DEPDC5: variants seen among roughly 807,000 people sequenced by gnomAD.
DEPDC5 encodes the protein DEP domain containing 5, GATOR1 subcomplex subunit.
DEPDC5 carries 73 observed loss-of-function variants against 217.3 expected under a neutral mutation model. The observed-to-expected ratio is 0.34, with a 90% confidence interval of 0.28 to 0.41. DEPDC5 has a LOEUF of 0.41. DEPDC5 is among the 10% of genes least tolerant of loss of function. The pLI is 1.00. For synonymous variants in DEPDC5, 733 were observed against 756.7 expected, an observed-to-expected ratio of 0.97 and a Z score of 0.51; for missense variants, 1,675 against 2,070.1, an observed-to-expected ratio of 0.81 and a Z score of 3.70.
chr22:31,901,834 A>G, intron 41 of DEPDC5, 32 bp downstream of exon 41: 4 of 1,602,334 alleles, frequency 2.5e-6, no homozygotes, highest in Non-Finnish European at 3.4e-6. Context: ...AAGAGTGGGA[A>G]GGAAATCAGT....
chr22:31,847,262 A>G (rs2091791311), intron 31 of DEPDC5, among the ~76,000 whole-genome samples: 1 of 152,160 alleles, frequency 6.6e-6, no homozygotes, highest in African/African-American at 2.4e-5. Context: ...TCAGGCCTAT[A>G]ATCCCACCAC....
At chr22:31,858,298 A>G (rs368893620) in intron 32 of DEPDC5, 1 of 152,200 alleles carries the variant, frequency 6.6e-6, no homozygotes, top group South Asian at 2.1e-4. Context: ...GTGGGGGGAA[A>G]ATACAGAAAA....
chr22:31,874,768 A>C (rs2092945187), intron 36 of DEPDC5, among the ~76,000 whole-genome samples: 1 of 152,194 alleles, frequency 6.6e-6, no homozygotes, highest in Non-Finnish European at 1.5e-5. Flanking sequence ...TGCTGGATTC[A>C]AGGCTCTGAC....
intron 33 of DEPDC5, among the ~76,000 whole-genome samples, chr22:31,865,191 A>G (rs1396813605): frequency 2.6e-5 from 4 of 152,114 alleles, no homozygotes; most frequent in Non-Finnish European, 5.9e-5. Context: ...ATGATGTAAG[A>G]TGTAAAAATA....
In DEPDC5 at chr22:31,907,703, T is replaced by G. The variant is rs1451588112; in HGVS notation, c.*1206T>G. 1.3e-5 allele frequency: 2 copies of G among 152,420 alleles called. No individual in the cohort carries two copies. Among genetic ancestry groups the G allele is most frequent in the African/African-American group, 4.8e-5 (2 of 41,444 alleles). 9.4% of individuals were successfully genotyped at this position (152,420 alleles called of 1,614,324 possible). A position where few individuals can be genotyped will look rare whatever the true frequency, so the allele number is the denominator to read the frequency against. Reference sequence around the variant, plus strand: ...CATGCCCGGCCTAACTTAGATTTGCTGAGATAAGACTCAGCTTGGTGCTTC... The same window carrying G: ...CATGCCCGGCCTAACTTAGATTTGCGGAGATAAGACTCAGCTTGGTGCTTC... On this transcript the variant is annotated 3_prime_UTR_variant, in exon 43 of 43. Transcript: ENST00000651528.
chr22:31,826,383 A>G, intron 24 of DEPDC5: 1 of 360,480 alleles, frequency 2.8e-6, no homozygotes, highest in Non-Finnish European at 5.4e-6. Context: ...GCACTCAACA[A>G]ATAGGAGCTG....
At chr22:31,829,449 T>C (rs767592441) in intron 24 of DEPDC5, among the ~76,000 whole-genome samples, 45 of 151,982 alleles carry the variant, frequency 3.0e-4, no homozygotes, top group Admixed American at 1.4e-3. Context: ...GGAGAATCGC[T>C]TGAACCCGGG....
intron 33 of DEPDC5, among the ~76,000 whole-genome samples, chr22:31,864,801 G>A (rs1336518881): frequency 2.0e-5 from 3 of 151,928 alleles, no homozygotes; most frequent in Non-Finnish European, 4.4e-5. Flanking sequence ...TGATTCTTCT[G>A]CCTCAGCCTC....
At chr22:31,771,740 C>T (rs924725453) in intron 7 of DEPDC5, among the ~76,000 whole-genome samples, 5 of 123,676 alleles carry the variant, frequency 4.0e-5, no homozygotes, top group African/African-American at 1.4e-4. Flanking sequence ...CACACACACA[C>T]ACACACACAC....
intron 38 of DEPDC5, among the ~76,000 whole-genome samples, chr22:31,889,696 A>G (rs1462106769): frequency 3.3e-5 from 5 of 151,814 alleles, no homozygotes; most frequent in Admixed American, 2.6e-4. Context: ...ACCCGCCACC[A>G]TGCCCGGCTA....
At position 31,845,154 on chromosome 22, in the gene DEPDC5, T is replaced by C; in HGVS notation, c.2938T>C (p.Trp980Arg). Reference sequence around the variant, plus strand: ...CAGGCCCCGTGCAGACGAGGACGAGTGGCAACTCCTGGATGGTTTTGTCCG... The same window carrying C: ...CAGGCCCCGTGCAGACGAGGACGAGCGGCAACTCCTGGATGGTTTTGTCCG... Reference protein sequence around the residue: ...GDRPRADEDEWQLLDGFVRFV... With the variant: ...GDRPRADEDERQLLDGFVRFV... Residue 980 changes from tryptophan to arginine, a missense_variant, in exon 30 of 43, where the codon TGG becomes CGG. Around this residue, in one of 11 missense-constraint regions of DEPDC5, gnomAD observed 293 missense variants for 386.1 expected, o/e 0.76. Transcript: ENST00000651528. The C allele has an allele frequency of 1.2e-6, 2 of 1,614,074 alleles. No homozygotes were observed. Among genetic ancestry groups the C allele is most frequent in the Non-Finnish European group, 1.7e-6 (2 of 1,179,988 alleles).
At chr22:31,802,960 A>G (rs2087041486) in intron 15 of DEPDC5, 122 bp downstream of exon 15, 2 of 1,289,312 alleles carry the variant, frequency 1.6e-6, no homozygotes, top group African/African-American at 1.5e-5. Context: ...GTGTGTCACA[A>G]CGTCTGTGGA....
Position 31,814,743 on chromosome 22 carries a change from C to T in DEPDC5, c.1446-249C>T. 7.6e-6 allele frequency: 4 copies of T among 525,630 alleles called. No homozygotes were observed. The South Asian group carries it at 8.6e-5, about 11-fold the overall frequency. The allele number at this position is 525,630 out of a possible 1,614,324, so 32.6% of individuals were successfully genotyped here. On this transcript the variant is annotated intron_variant, in intron 20 of 42. Transcript: ENST00000651528. ...GGGATTAGGTGGGGTCAGCCTGGAG[C>T]AGTCCTTTCTTTACAACTATGATCC...
In DEPDC5 at chr22:31,879,739, G is replaced by A. The variant is rs921149214; in HGVS notation, c.4020G>A (p.Ala1340=). Residue 1340 remains alanine, a synonymous_variant, in exon 38 of 43, where the codon GCG becomes GCA. Transcript: ENST00000651528. The part of the protein sequence containing the change: ...FSRSFGGRSQ[A]AALLAATVPE... ...GAAGTTTTGGAGGACGGAGCCAGGC[G>A]GCAGCACTTTTAGGTACATGCTCAA... The A allele has an allele frequency of 1.4e-5, 22 of 1,613,564 alleles. No homozygotes were observed. Among genetic ancestry groups the A allele is most frequent in the South Asian group, 9.9e-5 (9 of 90,996 alleles).
intron 14 of DEPDC5, among the ~76,000 whole-genome samples, chr22:31,800,852 T>G (rs1040419952): frequency 2.0e-5 from 3 of 151,868 alleles, no homozygotes; most frequent in Non-Finnish European, 4.4e-5. Flanking sequence ...GGCGCACACC[T>G]GTAATCTCAG....
chr22:31,838,138 A>G (rs1180819857), intron 26 of DEPDC5, among the ~76,000 whole-genome samples: 1 of 152,078 alleles, frequency 6.6e-6, no homozygotes, highest in African/African-American at 2.4e-5. Context: ...TTTCTAATGC[A>G]ATTATTTTGG....
chr22:31,857,558 A>G lies in DEPDC5; in HGVS notation c.3264+5A>G. The G allele has an allele frequency of 6.2e-7, 1 of 1,605,452 alleles. No individual in the cohort carries two copies. The highest frequency in any genetic ancestry group is 8.5e-7 in the Non-Finnish European group (1 of 1,175,824). On this transcript the variant is annotated splice_donor_5th_base_variant and intron_variant, in intron 32 of 42. Transcript: ENST00000651528. Reference sequence around the variant, plus strand: ...TACATGGACAGCCCACGAAAGGTAAAGGAAGCCGCGGTAGCAGGGAGCTGT... The same window carrying G: ...TACATGGACAGCCCACGAAAGGTAAGGGAAGCCGCGGTAGCAGGGAGCTGT...
rs202128413 is a variant in DEPDC5 at position 31,836,955 on chromosome 22, C to T, written c.2171-17C>T. The T allele has an allele frequency of 6.2e-7, 1 of 1,611,546 alleles. No homozygotes were observed. The highest frequency in any genetic ancestry group is 1.3e-5 in the African/African-American group (1 of 74,882). On this transcript the variant is annotated splice_polypyrimidine_tract_variant and intron_variant, in intron 25 of 42. Coordinates refer to ENST00000651528, the MANE Select transcript of DEPDC5 (RefSeq NM_001242896.3). ...ATGGTGACCACATGTACCTTTTCCC[C>T]CTGTTACGTGAGGCAGTTCTGACAC...
intron 31 of DEPDC5, among the ~76,000 whole-genome samples, chr22:31,847,730 G>A (rs141559217): frequency 6.6e-6 from 1 of 152,202 alleles, no homozygotes; most frequent in African/African-American, 2.4e-5. Flanking sequence ...ATTTGGGTGG[G>A]GACACAGCCA....
Sources: gnomAD v4.1 joint callset for allele counts (sites outside exome capture counted in the v4.1 genomes callset) on GRCh38, gnomAD v4.1.1 for gene constraint, gnomAD v4.1.1 regional missense constraint, MANE v1.5 for transcripts, NCBI Gene and HGNC (gene_info 2026-07-23, HGNC 2026-07-21) for gene names.